THEMIS: variants seen among roughly 807,000 people sequenced by gnomAD.
THEMIS encodes thymocyte selection associated.
THEMIS carries 37 observed loss-of-function variants against 52.6 expected under a neutral mutation model. That is an observed-to-expected ratio of 0.70 (90% CI 0.54 to 0.93). The LOEUF is 0.93. THEMIS is among the 40% of genes least tolerant of loss of function. THEMIS has a pLI of 0.00. For missense variants in THEMIS, 808 were observed against 763.1 expected (o/e 1.06, Z -0.69); for synonymous variants, 292 against 272.7 (o/e 1.07, Z -0.70).
chr6:127,801,623 A>G (rs1371946014), intron 4 of THEMIS, among the ~76,000 whole-genome samples: 1 of 152,098 alleles, frequency 6.6e-6, no homozygotes, highest in African/African-American at 2.4e-5. Flanking sequence ...CCCAGTAGTG[A>G]CAACATCCCC....
intron 4 of THEMIS, among the ~76,000 whole-genome samples, chr6:127,770,355 G>A (rs192134027): frequency 4.6e-5 from 7 of 152,278 alleles, no homozygotes; most frequent in African/African-American, 1.4e-4. Flanking sequence ...GTTTTGATTT[G>A]CATTTTTCTA....
intron 4 of THEMIS, among the ~76,000 whole-genome samples, chr6:127,754,661 G>A (rs978641509): frequency 6.6e-6 from 1 of 152,072 alleles, no homozygotes; most frequent in Admixed American, 6.6e-5. Flanking sequence ...TAGTTGTTAG[G>A]GAATTGCCTT....
chr6:127,722,036 G>T (rs773426162), intron 4 of THEMIS, among the ~76,000 whole-genome samples: 5 of 151,980 alleles, frequency 3.3e-5, no homozygotes, highest in Non-Finnish European at 5.9e-5. Context: ...AGAGAAAATA[G>T]CCCCTTCATC....
At position 127,813,412 on chromosome 6, in the gene THEMIS, A is replaced by C; in HGVS notation, c.1229T>G (p.Val410Gly). Reference protein sequence around the residue: ...LCEGIKKVVNVLACEKILKKS... With the variant: ...LCEGIKKVVNGLACEKILKKS... ...TTTGAGGATTTTTTCACAGGCCAGAACATTCACCACTTTTTTTATTCCCTC... is the reference window on the plus strand; with the variant it reads ...TTTGAGGATTTTTTCACAGGCCAGACCATTCACCACTTTTTTTATTCCCTC... Residue 410 changes from valine (V) to glycine (G), a missense_variant, in exon 4 of 6, where the codon GTT (valine) becomes GGT (glycine). By Grantham distance (109) the Val-to-Gly change is moderately radical. Transcript: ENST00000368248. 1 of 1,613,932 alleles carries C rather than the reference A, an allele frequency of 6.2e-7. No homozygotes were observed. Among genetic ancestry groups the C allele is most frequent in the South Asian group, 1.1e-5 (1 of 91,066 alleles).
At chr6:127,834,700 A>C (rs528262088) in intron 2 of THEMIS, among the ~76,000 whole-genome samples, 1 of 152,280 alleles carries the variant, frequency 6.6e-6, no homozygotes, top group Admixed American at 6.5e-5. Context: ...AAAATCTTTC[A>C]ATTCATTTTT....
chr6:127,867,744 A>G (rs1019281943), intron 1 of THEMIS, among the ~76,000 whole-genome samples: 5 of 152,282 alleles, frequency 3.3e-5, no homozygotes, highest in East Asian at 1.9e-4. Flanking sequence ...AGGGAAAGGC[A>G]TGTATATTTC....
At chr6:127,907,684 G>A (rs1781310778) in intron 1 of THEMIS, among the ~76,000 whole-genome samples, 1 of 151,886 alleles carries the variant, frequency 6.6e-6, no homozygotes. Flanking sequence ...AAATAAGTGA[G>A]CTAATTACCC....
intron 4 of THEMIS, among the ~76,000 whole-genome samples, chr6:127,732,403 T>G (rs1412199109): frequency 6.6e-6 from 1 of 152,176 alleles, no homozygotes; most frequent in Non-Finnish European, 1.5e-5. Context: ...TTATTTACAA[T>G]AGTATATAAT....
Position 127,708,669 on chromosome 6 carries a change from G to A in THEMIS, c.*1316C>T, listed in dbSNP as rs888708335. 6.6e-6 allele frequency: 1 copy of A among 152,016 alleles called. No homozygotes were observed. Among genetic ancestry groups the A allele is most frequent in the African/African-American group, 2.4e-5 (1 of 41,404 alleles). 9.4% of individuals were successfully genotyped at this position (152,016 alleles called of 1,614,324 possible). A position where few individuals can be genotyped will look rare whatever the true frequency, so the allele number is the denominator to read the frequency against. On this transcript the variant is annotated 3_prime_UTR_variant, in exon 6 of 6. Transcript: ENST00000368248. ...ATAAAACTTTAGACATTGTAGATAA[G>A]AAATGATATTACCACAATCAAATCA...
chr6:127,789,602 T>A (rs1219514171), intron 4 of THEMIS, among the ~76,000 whole-genome samples: 1 of 152,192 alleles, frequency 6.6e-6, no homozygotes, highest in East Asian at 1.9e-4. Flanking sequence ...ATATTCCTGA[T>A]GAACATCAAT....
intron 1 of THEMIS, among the ~76,000 whole-genome samples, chr6:127,906,720 T>C (rs1249748867): frequency 1.3e-5 from 2 of 151,980 alleles, no homozygotes; most frequent in Non-Finnish European, 2.9e-5. Context: ...ACTTAACACA[T>C]CTTTTTAAAA....
rs1252609431 is a variant in THEMIS, at chr6:127,813,939, G to GA, written c.710-9dup. The GA allele has an allele frequency of 6.6e-7, 1 of 1,520,834 alleles. No homozygotes were observed. Among genetic ancestry groups the GA allele is most frequent in the Non-Finnish European group, 8.8e-7 (1 of 1,137,898 alleles). 94.2% of individuals were successfully genotyped at this position (1,520,834 alleles called of 1,614,324 possible). A position where few individuals can be genotyped will look rare whatever the true frequency, so the allele number is the denominator to read the frequency against. ...GGATTATATCTTTTCGAACTAAAAA[G>GA]AAAAAATAAATCACTATGATATTTT... On this transcript the variant is annotated splice_polypyrimidine_tract_variant and intron_variant, in intron 3 of 5. Transcript: ENST00000368248.
intron 2 of THEMIS, among the ~76,000 whole-genome samples, chr6:127,851,760 G>A (rs1367382837): frequency 6.6e-6 from 1 of 151,670 alleles, no homozygotes; most frequent in Non-Finnish European, 1.5e-5. Context: ...AAATTGTACA[G>A]CTACTTTGGA....
At chr6:127,722,896 T>C (rs994302905) in intron 4 of THEMIS, among the ~76,000 whole-genome samples, 1 of 152,046 alleles carries the variant, frequency 6.6e-6, no homozygotes, top group Non-Finnish European at 1.5e-5. Flanking sequence ...CATATCTACA[T>C]AAACATTCTG....
intron 3 of THEMIS, 21 bp downstream of exon 3, chr6:127,829,455 T>C (rs377285722): frequency 1.9e-6 from 3 of 1,562,280 alleles, no homozygotes; most frequent in East Asian, 2.2e-5. Flanking sequence ...TCATAGAACA[T>C]CATTCTCAGT....
In THEMIS at chr6:127,887,257, G is replaced by T. The variant is rs80089914; in HGVS notation, c.91+13585C>A. Among the ~76,000 whole-genome samples the T allele has an allele frequency of 4.9e-3, 751 of 152,162 alleles. 5 individuals are homozygous for T. Among genetic ancestry groups the T allele is most frequent in the African/African-American group, 0.017 (711 of 41,536 alleles). ...TGTGATCAAAGAGGACAAATAAACT[G>T]CTAATAAGCATAAGAAAAAGTACTC... On this transcript the variant is annotated intron_variant, in intron 1 of 5. Transcript: ENST00000368248.
At chr6:127,698,542 A>G in the THEMIS span, among the ~76,000 whole-genome samples, 2 of 152,084 alleles carry the variant, frequency 1.3e-5, no homozygotes, top group African/African-American at 4.8e-5. Flanking sequence ...TCTGGCTGAA[A>G]AAACCTGTGA....
intron 4 of THEMIS, among the ~76,000 whole-genome samples, chr6:127,739,524 G>T (rs1391866746): frequency 1.3e-5 from 2 of 151,922 alleles, no homozygotes; most frequent in African/African-American, 2.4e-5. Context: ...GCCTGTAGTC[G>T]CAGCTGCTAG....
intron 2 of THEMIS, among the ~76,000 whole-genome samples, chr6:127,844,109 C>CA (rs1779136915): frequency 6.6e-6 from 1 of 151,886 alleles, no homozygotes; most frequent in Non-Finnish European, 1.5e-5. Context: ...GGATATTGAA[C>CA]ATTTGAAATC....
Sources: gnomAD v4.1 joint callset for allele counts (sites outside exome capture counted in the v4.1 genomes callset) on GRCh38, gnomAD v4.1.1 for gene constraint, MANE v1.5 for transcripts, NCBI Gene and HGNC (gene_info 2026-07-23, HGNC 2026-07-21) for gene names.